The following KCNMA1 variants were observed in gnomAD, a reference collection of about 807,000 sequenced individuals.
The protein encoded by KCNMA1 is potassium calcium-activated channel subfamily M alpha 1, also known as Calcium-activated potassium channel subunit alpha-1.
Under a neutral mutation model 140.0 loss-of-function variants are expected in KCNMA1, and 29 were observed. The observed-to-expected ratio is 0.21, with a 90% CI of 0.15 to 0.28. The LOEUF (loss-of-function observed/expected upper bound fraction) is 0.28. Among genes scored for constraint, KCNMA1 ranks in the 10% least tolerant of loss-of-function variants. The probability of loss-of-function intolerance (pLI) is 1.00; values close to 1 mark genes in which losing one functional copy is unlikely to be tolerated. For missense variants in KCNMA1, 880 were observed against 1,602.2 expected (o/e 0.55, Z 7.70); for synonymous variants, 612 against 611.9 (o/e 1.00, Z 0.00).
intron 2 of KCNMA1, among the ~76,000 whole-genome samples, chr10:77,371,254 T>G (rs2094692909): frequency 6.6e-6 from 1 of 152,188 alleles, no homozygotes; most frequent in Non-Finnish European, 1.5e-5. Context: ...ATGTGACCCC[T>G]GGCCACAGTT....
At chr10:77,008,405 A>G (rs761663019) in intron 18 of KCNMA1, among the ~76,000 whole-genome samples, 5 of 152,230 alleles carry the variant, frequency 3.3e-5, no homozygotes, top group Admixed American at 6.5e-5. Flanking sequence ...GGTTTGTTAT[A>G]TAGAAAAAGA....
At chr10:77,055,832 G>A (rs982914272) in intron 14 of KCNMA1, among the ~76,000 whole-genome samples, 1 of 152,186 alleles carries the variant, frequency 6.6e-6, no homozygotes, top group African/African-American at 2.4e-5. Context: ...ATATTGCAGA[G>A]ATCACATAGA....
chr10:77,398,883 T>TGG (rs773006001), intron 2 of KCNMA1, among the ~76,000 whole-genome samples: 2 of 152,240 alleles, frequency 1.3e-5, no homozygotes, highest in Non-Finnish European at 2.9e-5. Context: ...TTGCCCTCTT[T>TGG]ATTTAGAAAC....
intron 19 of KCNMA1, among the ~76,000 whole-genome samples, chr10:76,984,877 A>G (rs967076278): frequency 4.6e-5 from 7 of 152,240 alleles, no homozygotes; most frequent in African/African-American, 1.7e-4. Context: ...CAACAGCAAC[A>G]ACAGTTTTAG....
At chr10:77,113,190 T>A (rs7088115) in intron 6 of KCNMA1, among the ~76,000 whole-genome samples, 1 of 149,728 alleles carries the variant, frequency 6.7e-6, no homozygotes, top group African/African-American at 2.5e-5. Flanking sequence ...ACAGGCCATA[T>A]AGACATTGTC....
At chr10:77,321,994 C>T (rs925692239) in intron 2 of KCNMA1, among the ~76,000 whole-genome samples, 1 of 152,192 alleles carries the variant, frequency 6.6e-6, no homozygotes, top group Non-Finnish European at 1.5e-5. Flanking sequence ...AGGCATAACA[C>T]TTAAACATTT....
At chr10:77,026,386 G>A (rs546994921) in intron 16 of KCNMA1, among the ~76,000 whole-genome samples, 6 of 152,222 alleles carry the variant, frequency 3.9e-5, no homozygotes, top group African/African-American at 9.6e-5. Flanking sequence ...TTGCGATTTC[G>A]CAACACGGGG....
At chr10:77,614,869 G>A (rs1472806003) in intron 1 of KCNMA1, among the ~76,000 whole-genome samples, 1 of 152,118 alleles carries the variant, frequency 6.6e-6, no homozygotes, top group African/African-American at 2.4e-5. Context: ...TTCATAACCT[G>A]GCCCAGGTAT....
intron 23 of KCNMA1, among the ~76,000 whole-genome samples, chr10:76,915,781 G>A (rs1347346456): frequency 6.6e-6 from 1 of 152,116 alleles, no homozygotes; most frequent in Non-Finnish European, 1.5e-5. Context: ...GGGCTTTCAG[G>A]AAGTGTTTCC....
intron 10 of KCNMA1, among the ~76,000 whole-genome samples, chr10:77,088,311 T>A (rs527289478): frequency 1.3e-5 from 2 of 152,304 alleles, no homozygotes; most frequent in South Asian, 2.1e-4. Context: ...TAGGCAGGTA[T>A]GTTATTAACC....
intron 1 of KCNMA1, among the ~76,000 whole-genome samples, chr10:77,551,184 C>G (rs1431193048): frequency 6.6e-6 from 1 of 152,024 alleles, no homozygotes; most frequent in Non-Finnish European, 1.5e-5. Flanking sequence ...CAGGAAAAAC[C>G]TATGCAAGTT....
intron 9 of KCNMA1, among the ~76,000 whole-genome samples, chr10:77,103,307 C>T (rs2097137317): frequency 6.6e-6 from 1 of 152,200 alleles, no homozygotes; most frequent in Non-Finnish European, 1.5e-5. Context: ...TAACTCCCTC[C>T]AGCGGGATAC....
intron 3 of KCNMA1, among the ~76,000 whole-genome samples, chr10:77,206,501 C>G (rs1367619950): frequency 6.6e-6 from 1 of 152,126 alleles, no homozygotes; most frequent in Admixed American, 6.6e-5. Flanking sequence ...CTTCTATCTG[C>G]TCTTGGTTTT....
At chr10:77,321,661 GT>G (rs372047792) in intron 2 of KCNMA1, among the ~76,000 whole-genome samples, 53 of 151,488 alleles carry the variant, frequency 3.5e-4, no homozygotes, top group South Asian at 2.7e-3. Flanking sequence ...GGCAGTGTCG[GT>G]TTTTTTTTCC....
intron 21 of KCNMA1, among the ~76,000 whole-genome samples, chr10:76,950,720 A>G (rs890352398): frequency 6.6e-6 from 1 of 152,164 alleles, no homozygotes; most frequent in African/African-American, 2.4e-5. Context: ...AATTCACAAC[A>G]ATGTCAGGGT....
intron 2 of KCNMA1, among the ~76,000 whole-genome samples, chr10:77,252,556 T>TGTGTGTGTGTGTGTGCGC (rs1341882275): frequency 2.7e-5 from 4 of 149,200 alleles, no homozygotes; most frequent in African/African-American, 9.8e-5. Context: ...TGTGTGTGTG[T>TGTGTGTGTGTGTGTGCGC]GCGGGCACGT....
At chr10:77,054,542 G>A (rs1357851654) in intron 14 of KCNMA1, among the ~76,000 whole-genome samples, 1 of 152,114 alleles carries the variant, frequency 6.6e-6, no homozygotes. Context: ...ATGGAAAAAA[G>A]AGAGGAAGTG....
At chr10:77,396,727 T>G (rs2096068471) in intron 2 of KCNMA1, among the ~76,000 whole-genome samples, 1 of 152,196 alleles carries the variant, frequency 6.6e-6, no homozygotes, top group Admixed American at 6.5e-5. Context: ...AGGCTGATAT[T>G]TTTCTTTCTT....
intron 4 of KCNMA1, among the ~76,000 whole-genome samples, chr10:77,184,603 T>C (rs1006289024): frequency 3.3e-5 from 5 of 152,222 alleles, no homozygotes; most frequent in African/African-American, 1.2e-4. Flanking sequence ...TCATCATTTT[T>C]CTTCAATCCC....
Sources: allele counts gnomAD v4.1 joint callset (sites outside exome capture counted in the v4.1 genomes callset), GRCh38; gene constraint gnomAD v4.1.1; transcripts MANE v1.5; gene names NCBI Gene and HGNC (gene_info 2026-07-23, HGNC 2026-07-21).